Variants in MORF4L1 observed in about 807,000 individuals in gnomAD.
MORF4L1 encodes the protein mortality factor 4 like 1, also known as mortality factor 4-like protein 1.
In MORF4L1, 4 loss-of-function variants were observed where a neutral mutation model predicts 52.9. The observed-to-expected ratio is 0.08, with a 90% CI of 0.04 to 0.17. The LOEUF (loss-of-function observed/expected upper bound fraction) is 0.17. Among genes scored for constraint, MORF4L1 ranks in the 10% least tolerant of loss-of-function variants. MORF4L1 has a pLI of 1.00. For synonymous variants in MORF4L1, 123 were observed against 134.8 expected, an observed-to-expected ratio of 0.91 and a Z score of 0.61; for missense variants, 214 against 390.4, an observed-to-expected ratio of 0.55 and a Z score of 3.81.
intron 4 of MORF4L1, among the ~76,000 whole-genome samples, chr15:78,886,954 C>CAA (rs61343587): frequency 5.8e-4 from 69 of 119,048 alleles, no homozygotes; most frequent in African/African-American, 1.6e-3. Context: ...AACTCTGTCT[C>CAA]AAAAAAAAAA....
At chr15:78,889,252 GT>G (rs1417855481) in intron 5 of MORF4L1, among the ~76,000 whole-genome samples, 1 of 152,216 alleles carries the variant, frequency 6.6e-6, no homozygotes, top group Non-Finnish European at 1.5e-5. Context: ...AAGCATGAAT[GT>G]CAAGCTCTTA....
At chr15:78,874,642 G>A (rs573445753) in intron 1 of MORF4L1, among the ~76,000 whole-genome samples, 1 of 132,978 alleles carries the variant, frequency 7.5e-6, no homozygotes, top group Non-Finnish European at 1.5e-5. Context: ...TGCCCAGGCT[G>A]GTCTCGAACT....
chr15:78,878,287 T>A lies in MORF4L1; in HGVS notation c.87+28T>A. 3 of 1,606,896 alleles carry A rather than the reference T, an allele frequency of 1.9e-6. No individual in the cohort carries two copies. The South Asian group carries it at 3.4e-5, about 18-fold the overall frequency. On this transcript the variant is annotated intron_variant, in intron 2 of 11. Coordinates refer to ENST00000426013, the MANE Select transcript of MORF4L1 (RefSeq NM_006791.4). Reference sequence around the variant, plus strand: ...ATGAAACTTGTTTTCTTTTGAGAAGTTGGCCAAAACTACTGGTTAGATCTG... The same window carrying A: ...ATGAAACTTGTTTTCTTTTGAGAAGATGGCCAAAACTACTGGTTAGATCTG...
intron 11 of MORF4L1, 86 bp from the exon 12 acceptor site, chr15:78,896,897 G>T: frequency 1.0e-6 from 1 of 994,152 alleles, no homozygotes; most frequent in Non-Finnish European, 1.5e-6. Context: ...AGTGTTTTCT[G>T]TGGCTTATGT....
At position 78,896,308 on chromosome 15, in the gene MORF4L1, C is replaced by CTTTTTTTT. The variant is rs71148578; in HGVS notation, c.888-659_888-652dup. Among the ~76,000 whole-genome samples, 97 of 81,436 alleles carry CTTTTTTTT rather than the reference C, an allele frequency of 1.2e-3. 2 individuals are homozygous for CTTTTTTTT. The East Asian group carries it at 0.02, about 17-fold the overall frequency. The allele number at this position is 81,436 out of a possible 152,430, so 53.4% of individuals were successfully genotyped here. A position where few individuals can be genotyped will look rare whatever the true frequency, so the allele number is the denominator to read the frequency against. On this transcript the variant is annotated intron_variant, in intron 11 of 11. Coordinates refer to ENST00000426013, the MANE Select transcript of MORF4L1 (RefSeq NM_006791.4). Reference sequence around the variant, plus strand: ...ATTTTTTTCTTTTTTCTTTTCTTTTCTTTTTTTTTTTTTTTTTTTTTTTGA... The same window carrying CTTTTTTTT: ...ATTTTTTTCTTTTTTCTTTTCTTTTCTTTTTTTTTTTTTTTTTTTTTTTTTTTTTTTGA...
chr15:78,897,191 T>C lies in MORF4L1; in HGVS notation c.*124T>C, dbSNP rs2056905767. The C allele has an allele frequency of 2.7e-6, 2 of 735,250 alleles. No homozygotes were observed. The highest frequency in any genetic ancestry group is 3.9e-5 in the South Asian group (2 of 50,826). The allele number at this position is 735,250 out of a possible 1,614,324, so 45.5% of individuals were successfully genotyped here. ...TAACAATTGATGTTTGTTTTCTGTT[T>C]GATTTTAAACAGAGAAAAAATAAAA... is the stretch of plus-strand genomic sequence containing the variant. On this transcript the variant is annotated 3_prime_UTR_variant, in exon 12 of 12. Transcript: ENST00000426013.
intron 11 of MORF4L1, among the ~76,000 whole-genome samples, chr15:78,895,510 T>A (rs2056872489): frequency 6.6e-6 from 1 of 152,210 alleles, no homozygotes; most frequent in Non-Finnish European, 1.5e-5. Context: ...TCTACAAGTT[T>A]TTGGAGGGCA....
At chr15:78,894,641 T>G in intron 10 of MORF4L1, 179 bp from the exon 11 acceptor site, 1 of 569,932 alleles carries the variant, frequency 1.8e-6, no homozygotes, top group Non-Finnish European at 3.1e-6. Flanking sequence ...ATACCTGACC[T>G]CAAGCGATCG....
chr15:78,893,250 C>A (rs975005387), intron 8 of MORF4L1, among the ~76,000 whole-genome samples: 2 of 152,148 alleles, frequency 1.3e-5, no homozygotes, highest in Non-Finnish European at 2.9e-5. Flanking sequence ...GCTGTTCTGT[C>A]TAGTAGAGTC....
chr15:78,873,723 CAG>C (rs1166404649), intron 1 of MORF4L1: 1 of 153,582 alleles, frequency 6.5e-6, no homozygotes, highest in Non-Finnish European at 1.5e-5. Flanking sequence ...CCGCATACCA[CAG>C]AGTGGTGGGT....
At chr15:78,887,541 C>G (rs973728985) in intron 5 of MORF4L1, 192 bp downstream of exon 5, 14 of 460,022 alleles carry the variant, frequency 3.0e-5, no homozygotes, top group Non-Finnish European at 5.5e-5. Context: ...GCAGGTTCCC[C>G]CTCCCTTTAA....
chr15:78,890,936 C>A, intron 5 of MORF4L1, 53 bp from the exon 6 acceptor site: 1 of 1,368,328 alleles, frequency 7.3e-7, no homozygotes, highest in Non-Finnish European at 9.6e-7. Context: ...GGAGTTGAAA[C>A]AGAGGCAGTT....
intron 2 of MORF4L1, among the ~76,000 whole-genome samples, chr15:78,880,255 G>A (rs1006757174): frequency 6.6e-6 from 1 of 152,220 alleles, no homozygotes; most frequent in Non-Finnish European, 1.5e-5. Flanking sequence ...GCTTTCATTA[G>A]CTGTCCTTGG....
At chr15:78,885,877 A>G (rs1351458903) in intron 3 of MORF4L1, among the ~76,000 whole-genome samples, 2 of 152,088 alleles carry the variant, frequency 1.3e-5, no homozygotes, top group African/African-American at 4.8e-5. Context: ...TAAGTGCCAA[A>G]CTCTTAAGCC....
At chr15:78,881,189 C>CTTTTTTTTTTTTTTTTTTTT (rs570514618) in intron 3 of MORF4L1, among the ~76,000 whole-genome samples, 6 of 67,182 alleles carry the variant, frequency 8.9e-5, no homozygotes, top group African/African-American at 2.4e-4. Flanking sequence ...AGAGTTAAGC[C>CTTTTTTTTTTTTTTTTTTTT]TTTTTTTTTT....
At chr15:78,879,640 A>G (rs1409533297) in intron 2 of MORF4L1, among the ~76,000 whole-genome samples, 1 of 152,130 alleles carries the variant, frequency 6.6e-6, no homozygotes. Flanking sequence ...TGTAAGTGCT[A>G]AATTACGACT....
Position 78,878,330 on chromosome 15 carries a change from T to A in MORF4L1, c.87+71T>A, listed in dbSNP as rs542983433. The A allele has an allele frequency of 3.5e-6, 5 of 1,416,596 alleles. No homozygotes were observed. In the South Asian group the frequency reaches 6.5e-5, roughly 18 times the overall value. 87.8% of individuals were successfully genotyped at this position (1,416,596 alleles called of 1,614,324 possible). On this transcript the variant is annotated intron_variant, in intron 2 of 11. Coordinates refer to ENST00000426013, the MANE Select transcript of MORF4L1 (RefSeq NM_006791.4). Reference sequence around the variant, plus strand: ...TAGATCTGGCCATTTAATATACAAGTACAGTATTTTGTTGTTGCCTCAGTA... The same window carrying A: ...TAGATCTGGCCATTTAATATACAAGAACAGTATTTTGTTGTTGCCTCAGTA...
chr15:78,873,008 T>C lies in MORF4L1; in HGVS notation c.-10T>C. On this transcript the variant is annotated 5_prime_UTR_variant, in exon 1 of 12. Transcript: ENST00000426013. ...GGTGGGAGAAGGAGGAGGCGGCGAA[T>C]CACTTATAAATGGCGCCGAAGCAGG... is the stretch of plus-strand genomic sequence containing the variant. 1 of 1,550,566 alleles carries C rather than the reference T, an allele frequency of 6.4e-7. No homozygotes were observed. The highest frequency in any genetic ancestry group is 8.7e-7 in the Non-Finnish European group (1 of 1,146,744).
intron 3 of MORF4L1, among the ~76,000 whole-genome samples, chr15:78,880,998 C>G (rs1382318055): frequency 1.3e-5 from 2 of 150,416 alleles, no homozygotes; most frequent in Non-Finnish European, 3.0e-5. Context: ...GGTTTTCTGT[C>G]TAGAAAAGGG....
Sources: gnomAD v4.1 joint callset for allele counts (sites outside exome capture counted in the v4.1 genomes callset) on GRCh38, gnomAD v4.1.1 for gene constraint, MANE v1.5 for transcripts, NCBI Gene and HGNC (gene_info 2026-07-23, HGNC 2026-07-21) for gene names.